The following COMT variants were observed in gnomAD, a reference collection of about 807,000 sequenced individuals.
The protein encoded by COMT is catechol O-methyltransferase.
In COMT, 13 loss-of-function variants were observed where a neutral mutation model predicts 18.9. The observed-to-expected ratio is 0.69, with a 90% CI of 0.45 to 1.09. The LOEUF (loss-of-function observed/expected upper bound fraction) is 1.09. Ranked by LOEUF, COMT falls within the 50% of genes least tolerant of loss-of-function variation. The pLI is 0.00. For missense variants in COMT, 329 were observed against 361.8 expected (o/e 0.91, Z 0.73); for synonymous variants, 150 against 160.9 (o/e 0.93, Z 0.51).
chr22:19,959,525 G>A (rs1433611983), intron 1 of COMT, among the ~76,000 whole-genome samples: 1 of 152,224 alleles, frequency 6.6e-6, no homozygotes, highest in Non-Finnish European at 1.5e-5. Context: ...GAGGGTGGGC[G>A]GGGAGGCCCT....
chr22:19,966,834 A>G (rs1162663011), intron 5 of COMT: 6 of 640,608 alleles, frequency 9.4e-6, no homozygotes, highest in Non-Finnish European at 1.2e-5. Flanking sequence ...AACCTCTGTG[A>G]GGCTCCAACT....
Position 19,964,275 on chromosome 22 carries a change from C to G in COMT, c.591C>G (p.Tyr197Ter). The part of the protein sequence containing the change: ...MVFLDHWKDR[Y>*]LPDTLLLEEC... ...TCCTCGACCACTGGAAGGACCGGTA[C>G]CTGCCGGACACGCTTCTCTTGGAGG... The change falls in exon 5 of 6, where the codon TAC becomes TAG. Residue 197 changes from tyrosine to a stop codon, truncating the protein, a stop_gained. Coordinates refer to ENST00000361682, the MANE Select transcript of COMT (RefSeq NM_000754.4). LOFTEE classifies it low-confidence loss of function (END_TRUNC). 1.9e-6 allele frequency: 3 copies of G among 1,614,062 alleles called. No homozygotes were observed. Among genetic ancestry groups the G allele is most frequent in the South Asian group, 2.2e-5 (2 of 91,082 alleles).
intron 1 of COMT, among the ~76,000 whole-genome samples, chr22:19,947,211 C>T (rs989878705): frequency 2.0e-5 from 3 of 151,540 alleles, no homozygotes; most frequent in Non-Finnish European, 2.9e-5. Context: ...TCACCGCGTC[C>T]GGCCCTAAAT....
chr22:19,953,002 A>AAAT (rs201888007), intron 1 of COMT, among the ~76,000 whole-genome samples: 11 of 41,130 alleles, frequency 2.7e-4, no homozygotes, highest in African/African-American at 7.2e-4. Context: ...ATAAATAAAT[A>AAAT]AATAAAATGA....
chr22:19,943,364 C>G (rs1022607221), intron 1 of COMT, among the ~76,000 whole-genome samples: 17 of 152,288 alleles, frequency 1.1e-4, no homozygotes, highest in Non-Finnish European at 2.4e-4. Context: ...ACAAAAATAA[C>G]AGGCCAGGCA....
intron 1 of COMT, among the ~76,000 whole-genome samples, chr22:19,946,031 A>C (rs1247194570): frequency 6.6e-6 from 1 of 152,126 alleles, no homozygotes; most frequent in Non-Finnish European, 1.5e-5. Flanking sequence ...TTCTGAACAA[A>C]AGTCATAAAA....
chr22:19,963,476 C>G (rs1038581796), intron 3 of COMT, 90 bp from the exon 4 acceptor site: 14 of 1,480,242 alleles, frequency 9.5e-6, no homozygotes, highest in Non-Finnish European at 1.3e-5. Flanking sequence ...GGCTCCTGCT[C>G]TTTGGGAGAG....
chr22:19,969,887 A>G lies in COMT; in HGVS notation c.*1151A>G. On this transcript the variant is annotated 3_prime_UTR_variant, in exon 6 of 6. Coordinates refer to ENST00000361682, the MANE Select transcript of COMT (RefSeq NM_000754.4). ...CTTGTGCCAGACCTGAGTGGCAGAA[A>G]GCAAAAAGTTCCTTTGCTGCTTTAA... 1 of 985,480 alleles carries G rather than the reference A, an allele frequency of 1.0e-6. No individual in the cohort carries two copies. 61.0% of individuals were successfully genotyped at this position (985,480 alleles called of 1,614,324 possible). A position where few individuals can be genotyped will look rare whatever the true frequency, so the allele number is the denominator to read the frequency against.
Position 19,962,521 on chromosome 22 carries a change from C to A in COMT, c.1-6C>A. 1 of 1,543,836 alleles carries A rather than the reference C, an allele frequency of 6.5e-7. No homozygotes were observed. Among genetic ancestry groups the A allele is most frequent in the African/African-American group, 1.4e-5 (1 of 73,186 alleles). On this transcript the variant is annotated splice_region_variant and splice_polypyrimidine_tract_variant and intron_variant, in intron 2 of 5. Transcript: ENST00000361682. ...GCACTGGCGCCCCTCCCCTCCCGCCCTGCAGATGCCGGAGGCCCCGCCTCT... is the reference window on the plus strand; with the variant it reads ...GCACTGGCGCCCCTCCCCTCCCGCCATGCAGATGCCGGAGGCCCCGCCTCT...
At chr22:19,966,022 C>T (rs1049008650) in intron 5 of COMT, among the ~76,000 whole-genome samples, 32 of 152,352 alleles carry the variant, frequency 2.1e-4, no homozygotes, top group African/African-American at 6.7e-4. Context: ...GATGTGGGTG[C>T]TAATTACAGG....
chr22:19,951,367 A>AG, intron 1 of COMT: 1 of 151,270 alleles, frequency 6.6e-6, no homozygotes, highest in African/African-American at 2.4e-5. Flanking sequence ...CCAAAAAAAA[A>AG]AAAAAAAAAA....
At position 19,962,554 on chromosome 22, in the gene COMT, G is replaced by C; in HGVS notation, c.28G>C (p.Ala10Pro). MPEAPPLLL[A>P]AVLLGLVLLV... is the part of the protein sequence containing the mutation. ...GCCGGAGGCCCCGCCTCTGCTGTTGGCAGCTGTGTTGCTGGGCCTGGTGCT... is the reference window on the plus strand; with the variant it reads ...GCCGGAGGCCCCGCCTCTGCTGTTGCCAGCTGTGTTGCTGGGCCTGGTGCT... Residue 10 changes from alanine to proline, a missense_variant, in exon 3 of 6, where the codon GCA (alanine) becomes CCA (proline). Physicochemically the swap from Ala to Pro is conservative, Grantham distance 27. Coordinates refer to ENST00000361682, the MANE Select transcript of COMT (RefSeq NM_000754.4). 6.4e-7 allele frequency: 1 copy of C among 1,561,102 alleles called. No individual in the cohort carries two copies. Among genetic ancestry groups the C allele is most frequent in the Non-Finnish European group, 8.7e-7 (1 of 1,153,736 alleles).
intron 1 of COMT, among the ~76,000 whole-genome samples, chr22:19,946,313 C>A (rs1283978742): frequency 6.6e-6 from 1 of 152,026 alleles, no homozygotes; most frequent in African/African-American, 2.4e-5. Context: ...ATGGTGAAAC[C>A]CTGTCTCTAC....
chr22:19,964,335 C>T (rs764545114), intron 5 of COMT, 36 bp downstream of exon 5: 1 of 1,613,590 alleles, frequency 6.2e-7, no homozygotes, highest in Non-Finnish European at 8.5e-7. Context: ...GTGCCAGCTG[C>T]TGCCCAGAGC....
chr22:19,963,161 G>A (rs1017379032), intron 3 of COMT, among the ~76,000 whole-genome samples: 1 of 152,132 alleles, frequency 6.6e-6, no homozygotes, highest in Non-Finnish European at 1.5e-5. Flanking sequence ...TTCAGCCTGG[G>A]GCACAGGATG....
chr22:19,969,112 G>A lies in COMT; in HGVS notation c.*376G>A, dbSNP rs1177612601. ...CAAACATTCAAAGCTCCCCTTGACG[G>A]ACGCTAACGCTAAGGGCGGGGCCCC... On this transcript the variant is annotated 3_prime_UTR_variant, in exon 6 of 6. Coordinates refer to ENST00000361682, the MANE Select transcript of COMT (RefSeq NM_000754.4). 1 of 227,976 alleles carries A rather than the reference G, an allele frequency of 4.4e-6. No homozygotes were observed. The highest frequency in any genetic ancestry group is 1.3e-4 in the East Asian group (1 of 7,990). 14.1% of individuals were successfully genotyped at this position (227,976 alleles called of 1,614,324 possible).
At chr22:19,947,198 G>A (rs949299809) in intron 1 of COMT, among the ~76,000 whole-genome samples, 3 of 152,002 alleles carry the variant, frequency 2.0e-5, no homozygotes, top group African/African-American at 7.3e-5. Flanking sequence ...TTACAGGCGT[G>A]AGTCACCGCG....
chr22:19,943,811 G>A (rs1178384343), intron 1 of COMT, among the ~76,000 whole-genome samples: 2 of 152,190 alleles, frequency 1.3e-5, no homozygotes, highest in African/African-American at 2.4e-5. Flanking sequence ...ACTTCCTGGT[G>A]TGTGGTGTGA....
At chr22:19,942,107 G>A (rs2146121547) in intron 1 of COMT, 1 of 330,818 alleles carries the variant, frequency 3.0e-6, no homozygotes, top group Non-Finnish European at 5.5e-6. Context: ...GACCGGGGTG[G>A]GGTCCCCAGA....
Sources: allele counts gnomAD v4.1 joint callset (sites outside exome capture counted in the v4.1 genomes callset), GRCh38; gene constraint gnomAD v4.1.1; transcripts MANE v1.5; gene names NCBI Gene and HGNC (gene_info 2026-07-23, HGNC 2026-07-21).